Variants in FGD4 observed in about 807,000 individuals in gnomAD.
FGD4 encodes FYVE, RhoGEF and PH domain-containing protein 4.
Under a neutral mutation model 102.0 loss-of-function variants are expected in FGD4, and 42 were observed. The observed-to-expected ratio is 0.41, with a 90% CI of 0.32 to 0.53. FGD4 has a LOEUF of 0.53. Ranked by LOEUF, FGD4 falls within the 20% of genes least tolerant of loss-of-function variation. The pLI is 0.21. For synonymous variants in FGD4, 380 were observed against 375.7 expected, an observed-to-expected ratio of 1.01 and a Z score of -0.13; for missense variants, 902 against 1,078.2, an observed-to-expected ratio of 0.84 and a Z score of 2.29.
In FGD4 at chr12:32,635,163, T is replaced by G. The variant is rs116823245; in HGVS notation, c.2313+1474T>G. Reference sequence around the variant, plus strand: ...AGTGTAGCCCCACACACTAAAATCATTCTTCCAGGGTATAGATGTTACTCG... The same window carrying G: ...AGTGTAGCCCCACACACTAAAATCAGTCTTCCAGGGTATAGATGTTACTCG... On this transcript the variant is annotated intron_variant, in intron 15 of 16. Coordinates refer to ENST00000534526, the MANE Select transcript of FGD4 (RefSeq NM_001370298.3). Among the ~76,000 whole-genome samples, 1,154 of 152,254 alleles carry G rather than the reference T, an allele frequency of 7.6e-3. 14 individuals are homozygous for G. The highest frequency in any genetic ancestry group is 0.025 in the African/African-American group (1,055 of 41,556).
intron 1 of FGD4, among the ~76,000 whole-genome samples, chr12:32,529,196 C>T (rs999084479): frequency 1.3e-5 from 2 of 152,104 alleles, no homozygotes; most frequent in Admixed American, 6.5e-5. Context: ...CTCACTGCAA[C>T]CTCCGCCTCC....
chr12:32,530,497 T>A (rs550789261), intron 1 of FGD4, among the ~76,000 whole-genome samples: 1 of 152,126 alleles, frequency 6.6e-6, no homozygotes, highest in African/African-American at 2.4e-5. Context: ...AAATATCACG[T>A]GAATGTTTGG....
At chr12:32,504,340 G>T (rs1216543126) in intron 1 of FGD4, among the ~76,000 whole-genome samples, 3 of 152,152 alleles carry the variant, frequency 2.0e-5, no homozygotes, top group African/African-American at 7.2e-5. Flanking sequence ...TACGGGACAG[G>T]AGTGCATGGT....
chr12:32,421,573 C>G (rs1458314028), intron 1 of FGD4, among the ~76,000 whole-genome samples: 1 of 152,114 alleles, frequency 6.6e-6, no homozygotes, highest in African/African-American at 2.4e-5. Flanking sequence ...CTATCATATC[C>G]CATTTCCACT....
intron 1 of FGD4, among the ~76,000 whole-genome samples, chr12:32,413,638 T>C (rs1190006254): frequency 6.6e-6 from 1 of 152,224 alleles, no homozygotes; most frequent in Non-Finnish European, 1.5e-5. Context: ...TACTGGCTTA[T>C]GCATCTGGTG....
At chr12:32,619,934 A>G (rs1281797719) in intron 11 of FGD4, 64 bp downstream of exon 11, 3 of 1,580,998 alleles carry the variant, frequency 1.9e-6, no homozygotes, top group East Asian at 2.2e-5. Context: ...TCATTAAAAT[A>G]GAATGGCTCT....
intron 1 of FGD4, among the ~76,000 whole-genome samples, chr12:32,560,320 C>T (rs1485859093): frequency 4.6e-5 from 7 of 152,190 alleles, no homozygotes; most frequent in African/African-American, 9.7e-5. Flanking sequence ...GGTGTGATCA[C>T]GGCTCACTGT....
intron 1 of FGD4, among the ~76,000 whole-genome samples, chr12:32,495,628 A>G (rs1016378455): frequency 4.0e-5 from 6 of 149,204 alleles, no homozygotes; most frequent in African/African-American, 1.5e-4. Context: ...CCCGGGAGGC[A>G]GAGCTTGCAG....
intron 1 of FGD4, chr12:32,511,334 C>CA (rs967159781): frequency 6.6e-6 from 1 of 152,244 alleles, no homozygotes; most frequent in Non-Finnish European, 1.5e-5. Context: ...TTTTTTGAGA[C>CA]AGAGTCTCGC....
At chr12:32,473,314 C>T (rs1426337841) in intron 1 of FGD4, among the ~76,000 whole-genome samples, 1 of 151,830 alleles carries the variant, frequency 6.6e-6, no homozygotes, top group Non-Finnish European at 1.5e-5. Flanking sequence ...CTTGCTACTG[C>T]TCACTTTTTG....
intron 1 of FGD4, among the ~76,000 whole-genome samples, chr12:32,481,157 A>AAAAAAT (rs1565767387): frequency 1.4e-4 from 20 of 148,006 alleles, no homozygotes; most frequent in Non-Finnish European, 2.5e-4. Flanking sequence ...AAAAAAAAAA[A>AAAAAAT]GCCGGGCGCA....
At chr12:32,466,263 C>G in intron 1 of FGD4, among the ~76,000 whole-genome samples, 1 of 152,096 alleles carries the variant, frequency 6.6e-6, no homozygotes, top group East Asian at 1.9e-4. Context: ...CCTGCAGTAT[C>G]TCTGAGTGTG....
intron 4 of FGD4, among the ~76,000 whole-genome samples, chr12:32,585,357 A>G (rs895748586): frequency 4.0e-5 from 6 of 151,294 alleles, no homozygotes; most frequent in Non-Finnish European, 4.4e-5. Context: ...TTCATAATAT[A>G]AGAAAGAAAA....
chr12:32,455,700 C>T (rs1363825274), intron 1 of FGD4, among the ~76,000 whole-genome samples: 2 of 152,010 alleles, frequency 1.3e-5, no homozygotes, highest in South Asian at 2.1e-4. Context: ...TTTTTATGTA[C>T]CTTTGGCCTC....
At chr12:32,422,897 G>A (rs185382287) in intron 1 of FGD4, among the ~76,000 whole-genome samples, 2 of 152,052 alleles carry the variant, frequency 1.3e-5, no homozygotes, top group East Asian at 1.9e-4. Flanking sequence ...TAGTCATCAC[G>A]AGTGGGAACT....
intron 1 of FGD4, among the ~76,000 whole-genome samples, chr12:32,459,839 C>G (rs919323495): frequency 5.9e-5 from 9 of 151,954 alleles, no homozygotes; most frequent in Non-Finnish European, 1.0e-4. Flanking sequence ...GCTAGGACTA[C>G]AGGCATACGG....
At chr12:32,540,699 G>A (rs1942752811) in intron 1 of FGD4, among the ~76,000 whole-genome samples, 1 of 151,956 alleles carries the variant, frequency 6.6e-6, no homozygotes, top group South Asian at 2.1e-4. Flanking sequence ...CCGAGTAGCT[G>A]GGATTACAGG....
At chr12:32,634,074 A>G (rs1252156691) in intron 15 of FGD4, among the ~76,000 whole-genome samples, 2 of 152,236 alleles carry the variant, frequency 1.3e-5, no homozygotes, top group Non-Finnish European at 2.9e-5. Flanking sequence ...AACAATTTGT[A>G]TAATGAGCAA....
At chr12:32,636,582 GA>G (rs1180302357) in intron 15 of FGD4, among the ~76,000 whole-genome samples, 1 of 149,258 alleles carries the variant, frequency 6.7e-6, no homozygotes, top group African/African-American at 2.5e-5. Context: ...TTTTTTTCCT[GA>G]ACTATCACAG....
Sources: gnomAD v4.1 joint callset for allele counts (sites outside exome capture counted in the v4.1 genomes callset) on GRCh38, gnomAD v4.1.1 for gene constraint, MANE v1.5 for transcripts, NCBI Gene and HGNC (gene_info 2026-07-23, HGNC 2026-07-21) for gene names.